Variants in SLC25A13 observed in about 807,000 individuals in gnomAD.
SLC25A13 encodes electrogenic aspartate/glutamate antiporter SLC25A13, mitochondrial.
SLC25A13 carries 70 observed loss-of-function variants against 85.5 expected under a neutral mutation model. That is an observed-to-expected ratio of 0.82 (90% CI 0.68 to 1.00). The LOEUF (loss-of-function observed/expected upper bound fraction) is 1.00. SLC25A13 is among the 50% of genes least tolerant of loss of function. SLC25A13 has a pLI of 0.00. For synonymous variants in SLC25A13, 259 were observed against 288.7 expected (o/e 0.90, Z 1.04); for missense variants, 765 against 819.8 (o/e 0.93, Z 0.82).
intron 3 of SLC25A13, among the ~76,000 whole-genome samples, chr7:96,257,493 C>T (rs1797684555): frequency 6.6e-6 from 1 of 152,182 alleles, no homozygotes; most frequent in Non-Finnish European, 1.5e-5. Flanking sequence ...TGGACACATA[C>T]ATCCTCCCAA....
chr7:96,198,367 G>A (rs181815368), intron 5 of SLC25A13, among the ~76,000 whole-genome samples: 65 of 152,326 alleles, frequency 4.3e-4, no homozygotes, highest in Admixed American at 2.7e-3. Flanking sequence ...ATATGAAACA[G>A]TGGTTCTGCT....
chr7:96,276,256 A>G (rs1161170200), intron 3 of SLC25A13, among the ~76,000 whole-genome samples: 1 of 152,220 alleles, frequency 6.6e-6, no homozygotes, highest in Non-Finnish European at 1.5e-5. Flanking sequence ...AAGAGTTCAG[A>G]GTCCAAAATT....
chr7:96,174,941 T>C (rs1168205682), intron 11 of SLC25A13, among the ~76,000 whole-genome samples: 1 of 152,242 alleles, frequency 6.6e-6, no homozygotes, highest in Non-Finnish European at 1.5e-5. Flanking sequence ...TGCCTGGTAC[T>C]GAGAGGAACT....
chr7:96,162,171 C>T (rs73710203), intron 13 of SLC25A13, among the ~76,000 whole-genome samples: 1,602 of 152,234 alleles, frequency 0.011, 30 homozygotes, highest in African/African-American at 0.036. Context: ...AAAAAGATCG[C>T]GAAGTAAGAC....
At chr7:96,128,939 G>GCTCTCTCTCTCTCTCTCTCTCTCTCTCT in intron 15 of SLC25A13, among the ~76,000 whole-genome samples, 1 of 81,902 alleles carries the variant, frequency 1.2e-5, no homozygotes, top group East Asian at 3.8e-4. Context: ...TGCCTTGCTT[G>GCTCTCTCTCTCTCTCTCTCTCTCTCTCT]CTCTCTCTCT....
chr7:96,223,511 G>A (rs996734281), intron 4 of SLC25A13, among the ~76,000 whole-genome samples: 4 of 152,170 alleles, frequency 2.6e-5, no homozygotes, highest in African/African-American at 9.7e-5. Flanking sequence ...CTCTCGGCTA[G>A]GCACGGTGGC....
Position 96,122,014 on chromosome 7 carries a change from A to C in SLC25A13, c.1592-17T>G, listed in dbSNP as rs1791534017. ...CAGGCATACCTGCAGGAGAGACACAACACCATCTCAGTCTGGTCACATTCT... is the reference window on the plus strand; with the variant it reads ...CAGGCATACCTGCAGGAGAGACACACCACCATCTCAGTCTGGTCACATTCT... On this transcript the variant is annotated splice_polypyrimidine_tract_variant and intron_variant, in intron 15 of 17. Coordinates refer to ENST00000265631, the MANE Select transcript of SLC25A13 (RefSeq NM_014251.3). 3 of 1,613,982 alleles carry C rather than the reference A, an allele frequency of 1.9e-6. No homozygotes were observed. The highest frequency in any genetic ancestry group is 1.1e-5 in the South Asian group (1 of 91,082).
chr7:96,258,748 T>A (rs1275677312), intron 3 of SLC25A13, among the ~76,000 whole-genome samples: 1 of 152,030 alleles, frequency 6.6e-6, no homozygotes, highest in Non-Finnish European at 1.5e-5. Context: ...AAAGAGCCCG[T>A]ATAGCCAACA....
intron 15 of SLC25A13, among the ~76,000 whole-genome samples, chr7:96,128,792 AT>A (rs1791850484): frequency 7.0e-6 from 1 of 143,078 alleles, no homozygotes; most frequent in Non-Finnish European, 1.5e-5. Context: ...AATAATAATA[AT>A]AATAAAAGTC....
intron 2 of SLC25A13, among the ~76,000 whole-genome samples, chr7:96,293,225 T>C (rs1799197609): frequency 6.6e-6 from 1 of 152,202 alleles, no homozygotes; most frequent in Non-Finnish European, 1.5e-5. Flanking sequence ...TGGCTAGCCA[T>C]ATGTAGAAAG....
chr7:96,281,445 G>A (rs1326954670), intron 2 of SLC25A13, among the ~76,000 whole-genome samples: 1 of 149,432 alleles, frequency 6.7e-6, no homozygotes, highest in Non-Finnish European at 1.5e-5. Context: ...GACAACAGAC[G>A]AATCCTAAGG....
chr7:96,239,251 A>G (rs1399143936), intron 3 of SLC25A13, among the ~76,000 whole-genome samples: 12 of 149,850 alleles, frequency 8.0e-5, no homozygotes, highest in Non-Finnish European at 1.5e-5. Context: ...ATAAAATCAT[A>G]ATGTATTATT....
At chr7:96,245,245 C>CT (rs1797144672) in intron 3 of SLC25A13, among the ~76,000 whole-genome samples, 1 of 152,150 alleles carries the variant, frequency 6.6e-6, no homozygotes, top group African/African-American at 2.4e-5. Flanking sequence ...TAGAAAATGT[C>CT]TTTACTCTTC....
At chr7:96,290,929 C>A (rs1435544504) in intron 2 of SLC25A13, among the ~76,000 whole-genome samples, 1 of 152,174 alleles carries the variant, frequency 6.6e-6, no homozygotes, top group Non-Finnish European at 1.5e-5. Flanking sequence ...CCAAGCAGAC[C>A]TAACAGACAT....
At chr7:96,209,347 A>AACACACAC (rs760463709) in intron 4 of SLC25A13, among the ~76,000 whole-genome samples, 227 of 26,258 alleles carry the variant, frequency 8.6e-3, no homozygotes, top group Non-Finnish European at 0.011. Context: ...GTGGCAGGAA[A>AACACACAC]ACACATACAC....
At chr7:96,294,253 G>C (rs1584582624) in intron 2 of SLC25A13, among the ~76,000 whole-genome samples, 1 of 151,514 alleles carries the variant, frequency 6.6e-6, no homozygotes, top group African/African-American at 2.4e-5. Flanking sequence ...ACACAGGAAG[G>C]GGAACATCAC....
intron 3 of SLC25A13, among the ~76,000 whole-genome samples, chr7:96,249,542 A>C (rs1368752832): frequency 6.6e-6 from 1 of 152,342 alleles, no homozygotes; most frequent in East Asian, 1.9e-4. Flanking sequence ...GCTGAAAAGC[A>C]GTTAAGAAAA....
chr7:96,218,959 G>A (rs985065538), intron 4 of SLC25A13, among the ~76,000 whole-genome samples: 6 of 152,112 alleles, frequency 3.9e-5, no homozygotes, highest in African/African-American at 1.4e-4. Context: ...TTTTAAGCAG[G>A]GAGCAAAAGA....
At chr7:96,306,814 T>G in intron 1 of SLC25A13, 1 of 1,394,372 alleles carries the variant, frequency 7.2e-7, no homozygotes, top group South Asian at 1.1e-5. Context: ...CCCCAGGGAC[T>G]CAGGAGATCA....
Sources: allele counts gnomAD v4.1 joint callset (sites outside exome capture counted in the v4.1 genomes callset), GRCh38; gene constraint gnomAD v4.1.1; transcripts MANE v1.5; gene names NCBI Gene and HGNC (gene_info 2026-07-23, HGNC 2026-07-21).